Variants in DHRS3 observed in about 807,000 individuals in gnomAD.
The protein encoded by DHRS3 is dehydrogenase/reductase 3.
In DHRS3, 14 loss-of-function variants were observed where a neutral mutation model predicts 27.2. The observed-to-expected ratio is 0.52, with a 90% CI of 0.34 to 0.81. The LOEUF (loss-of-function observed/expected upper bound fraction) is 0.81, where lower values mean the gene tolerates loss of function less well. Ranked by LOEUF, DHRS3 falls within the 30% of genes least tolerant of loss-of-function variation. The probability of loss-of-function intolerance (pLI) is 0.01; values close to 1 mark genes in which losing one functional copy is unlikely to be tolerated. For missense variants in DHRS3, 322 were observed against 406.2 expected (o/e 0.79, Z 1.78); for synonymous variants, 165 against 175.9 (o/e 0.94, Z 0.49).
chr1:12,607,825 T>C (rs1287077817), intron 1 of DHRS3, among the ~76,000 whole-genome samples: 1 of 151,854 alleles, frequency 6.6e-6, no homozygotes. Flanking sequence ...TGTTGAGAAA[T>C]AAAATATATA....
Position 12,580,505 on chromosome 1 carries a change from C to A in DHRS3, c.339+18G>T. The A allele has an allele frequency of 6.2e-7, 1 of 1,614,154 alleles. No individual in the cohort carries two copies. The highest frequency in any genetic ancestry group is 8.5e-7 in the Non-Finnish European group (1 of 1,180,024). On this transcript the variant is annotated intron_variant, in intron 2 of 5. Transcript: ENST00000616661. ...TGTGGTCAGCTGTGCTAGGAATAGA[C>A]CCTCCCAGGCTACAGACCTTCTCCC...
intron 1 of DHRS3, among the ~76,000 whole-genome samples, chr1:12,606,491 A>T (rs954799374): frequency 1.3e-5 from 2 of 151,836 alleles, no homozygotes; most frequent in African/African-American, 4.8e-5. Context: ...ATTTTATTTT[A>T]TTTATTTATT....
At chr1:12,615,485 A>G (rs1646938830) in intron 1 of DHRS3, among the ~76,000 whole-genome samples, 1 of 152,166 alleles carries the variant, frequency 6.6e-6, no homozygotes, top group African/African-American at 2.4e-5. Flanking sequence ...CCACCCCCCA[A>G]TGCCATACAC....
chr1:12,599,404 CAGAG>C (rs1322631549), intron 1 of DHRS3, among the ~76,000 whole-genome samples: 1 of 152,266 alleles, frequency 6.6e-6, no homozygotes, highest in Non-Finnish European at 1.5e-5. Flanking sequence ...CCGTGGTCCT[CAGAG>C]AGCATCACAT....
chr1:12,584,985 G>A (rs1443881917), intron 1 of DHRS3, among the ~76,000 whole-genome samples: 1 of 151,636 alleles, frequency 6.6e-6, no homozygotes. Flanking sequence ...ATGAGTGTAT[G>A]TGTCTGTGGG....
rs572982435 is a variant in DHRS3 at position 12,574,982 on chromosome 1, C to A, written c.699-2129G>T. On this transcript the variant is annotated intron_variant, in intron 4 of 5. Coordinates refer to ENST00000616661, the MANE Select transcript of DHRS3 (RefSeq NM_004753.7). The surrounding 1 kb of genome is among the most constrained non-coding windows in gnomAD (Gnocchi z 4.6). ...TTGCTGTGAGGGCCAAATGCAGCAGCACTTGTAAAGTGTCTAGTGGTTCTA... is the reference window on the plus strand; with the variant it reads ...TTGCTGTGAGGGCCAAATGCAGCAGAACTTGTAAAGTGTCTAGTGGTTCTA... Among the ~76,000 whole-genome samples the A allele has an allele frequency of 1.3e-5, 2 of 152,188 alleles. No homozygotes were observed. Among genetic ancestry groups the A allele is most frequent in the South Asian group, 4.2e-4 (2 of 4,804 alleles).
At chr1:12,588,355 C>A (rs925129726) in intron 1 of DHRS3, among the ~76,000 whole-genome samples, 2 of 152,188 alleles carry the variant, frequency 1.3e-5, no homozygotes, top group African/African-American at 2.4e-5. Flanking sequence ...CCTCACAACC[C>A]CTCGAGGTGG....
At chr1:12,597,861 C>A (rs372518040) in intron 1 of DHRS3, among the ~76,000 whole-genome samples, 1 of 152,164 alleles carries the variant, frequency 6.6e-6, no homozygotes, top group Non-Finnish European at 1.5e-5. Context: ...AGCCTCAAAC[C>A]AAGTGTAGGG....
At position 12,608,320 on chromosome 1, in the gene DHRS3, C is replaced by T. The variant is rs571810298; in HGVS notation, c.195+8834G>A. On this transcript the variant is annotated intron_variant, in intron 1 of 5. Coordinates refer to ENST00000616661, the MANE Select transcript of DHRS3 (RefSeq NM_004753.7). The surrounding 1 kb of genome is among the most constrained non-coding windows in gnomAD (Gnocchi z 4.1). ...CCACGGTCATGAATATTACTAGGAACGCAAGGAAGCCATCAGCATCCAGTT... is the reference window on the plus strand; with the variant it reads ...CCACGGTCATGAATATTACTAGGAATGCAAGGAAGCCATCAGCATCCAGTT... Among the ~76,000 whole-genome samples, 4 of 152,232 alleles carry T rather than the reference C, an allele frequency of 2.6e-5. No homozygotes were observed. Among genetic ancestry groups the T allele is most frequent in the East Asian group, 1.9e-4 (1 of 5,188 alleles).
Position 12,580,628 on chromosome 1 carries a change from C to T in DHRS3, c.234G>A (p.Glu78=). 1 of 1,614,104 alleles carries T rather than the reference C, an allele frequency of 6.2e-7. No individual in the cohort carries two copies. Among genetic ancestry groups the T allele is most frequent in the Admixed American group, 1.7e-5 (1 of 60,024 alleles). ...LWGRTEKCLK[E]TTEEIRQMGT... ...CCATCTGCCGGATCTCCTCCGTCGTCTCCTTCAGGCATTTCTCAGTCCGGC... is the reference window on the plus strand; with the variant it reads ...CCATCTGCCGGATCTCCTCCGTCGTTTCCTTCAGGCATTTCTCAGTCCGGC... Residue 78 remains glutamate, a synonymous_variant, in exon 2 of 6, where the codon GAG becomes GAA. Transcript: ENST00000616661.
intron 5 of DHRS3, among the ~76,000 whole-genome samples, chr1:12,568,639 G>A (rs1646505944): frequency 6.6e-6 from 1 of 152,160 alleles, no homozygotes; most frequent in African/African-American, 2.4e-5. Flanking sequence ...AAAAGGGCAG[G>A]GGGAGGCTGG....
chr1:12,575,224 G>T lies in DHRS3; in HGVS notation c.699-2371C>A, dbSNP rs142811836. Among the ~76,000 whole-genome samples, 736 of 152,194 alleles carry T rather than the reference G, an allele frequency of 4.8e-3. 7 individuals carry two copies. Among genetic ancestry groups the T allele is most frequent in the African/African-American group, 0.017 (707 of 41,514 alleles). ...TGCCTGTAATCCCAGCTACTCGGGA[G>T]GCTGAGACAGGAGAATTGCTTGAAC... is the stretch of plus-strand genomic sequence containing the variant. On this transcript the variant is annotated intron_variant, in intron 4 of 5. Coordinates refer to ENST00000616661, the MANE Select transcript of DHRS3 (RefSeq NM_004753.7).
chr1:12,573,208 AG>A (rs1646555048), intron 4 of DHRS3, among the ~76,000 whole-genome samples: 1 of 152,136 alleles, frequency 6.6e-6, no homozygotes, highest in Non-Finnish European at 1.5e-5. Context: ...CTGCTCCTTC[AG>A]GACAGGCCCA....
At chr1:12,607,781 C>T (rs953139709) in intron 1 of DHRS3, among the ~76,000 whole-genome samples, 2 of 152,102 alleles carry the variant, frequency 1.3e-5, no homozygotes, top group Non-Finnish European at 2.9e-5. Context: ...GGTATCATCG[C>T]TTACAAAAGT....
At chr1:12,615,758 C>T (rs748048891) in intron 1 of DHRS3, among the ~76,000 whole-genome samples, 5 of 152,304 alleles carry the variant, frequency 3.3e-5, no homozygotes, top group Middle Eastern at 3.4e-3. Flanking sequence ...CTTCAGGAGC[C>T]CTTTTATGGG....
Position 12,617,186 on chromosome 1 carries a change from C to A in DHRS3, c.163G>T (p.Ala55Ser). 3.7e-6 allele frequency: 6 copies of A among 1,612,684 alleles called. No homozygotes were observed. The highest frequency in any genetic ancestry group is 4.2e-6 in the Non-Finnish European group (5 of 1,179,730). The change falls in exon 1 of 6, where the codon GCC becomes TCC. Residue 55 changes from alanine to serine, a missense_variant. Physicochemically the swap from Ala to Ser is moderately conservative, Grantham distance 99. Transcript: ENST00000616661. ...GCGCCGCGCTCCGCGAACTCGCGGG[C>A]GAGCTGACGCCCGATGCCTCTCCCG... is the stretch of plus-strand genomic sequence containing the variant. ...GGGRGIGRQL[A>S]REFAERGARK...
chr1:12,604,800 C>T (rs1646859014), intron 1 of DHRS3, among the ~76,000 whole-genome samples: 1 of 152,204 alleles, frequency 6.6e-6, no homozygotes, highest in Admixed American at 6.5e-5. Flanking sequence ...CCTGTAATCC[C>T]CGCACTTTGG....
chr1:12,603,742 G>A (rs938539930), intron 1 of DHRS3, among the ~76,000 whole-genome samples: 2 of 152,218 alleles, frequency 1.3e-5, no homozygotes, highest in African/African-American at 4.8e-5. Context: ...CCGAAAGGCT[G>A]CTGAAAAGAG....
intron 5 of DHRS3, among the ~76,000 whole-genome samples, chr1:12,570,655 C>T (rs1646527951): frequency 6.6e-6 from 1 of 152,160 alleles, no homozygotes; most frequent in Non-Finnish European, 1.5e-5. Context: ...CTGAGGTGTT[C>T]TAGACCAACT....
Sources: allele counts gnomAD v4.1 joint callset (sites outside exome capture counted in the v4.1 genomes callset), GRCh38; gene constraint gnomAD v4.1.1; non-coding constraint Gnocchi (gnomAD v3.1); transcripts MANE v1.5; gene names NCBI Gene and HGNC (gene_info 2026-07-23, HGNC 2026-07-21).